ARHGAP6: variants seen among roughly 807,000 people sequenced by gnomAD.
The protein encoded by ARHGAP6 is Rho GTPase activating protein 6.
A neutral mutation model predicts 55.7 loss-of-function variants in ARHGAP6; 16 were observed. The ratio of observed to expected loss-of-function variants is 0.29; its 90% confidence interval spans 0.19 to 0.44. The LOEUF (loss-of-function observed/expected upper bound fraction) is 0.44, where lower values mean the gene tolerates loss of function less well. Among genes scored for constraint, ARHGAP6 ranks in the 20% least tolerant of loss-of-function variants. The pLI, the probability that ARHGAP6 is intolerant of heterozygous loss-of-function variation, is 1.00. For synonymous variants in ARHGAP6, 382 were observed against 360.9 expected (o/e 1.06, Z -0.66); for missense variants, 698 against 808.9 (o/e 0.86, Z 1.66).
intron 1 of ARHGAP6, among the ~76,000 whole-genome samples, chrX:11,489,906 G>A (rs1245625667): frequency 1.8e-5 from 2 of 111,479 alleles, no homozygotes; most frequent in Non-Finnish European, 3.8e-5. Context: ...GAAATGTAAG[G>A]TAAAAGGTAA....
At chrX:11,240,781 G>C (rs1053669135) in intron 2 of ARHGAP6, among the ~76,000 whole-genome samples, 2 of 110,354 alleles carry the variant, frequency 1.8e-5, no homozygotes, top group Admixed American at 9.7e-5. Context: ...ATGGTGGCTC[G>C]TATCTGTAAT....
chrX:11,405,760 G>A (rs1186120408), intron 1 of ARHGAP6, among the ~76,000 whole-genome samples: 1 of 111,460 alleles, frequency 9.0e-6, no homozygotes, highest in Non-Finnish European at 1.9e-5. Context: ...TTAACTTAAG[G>A]GACCCTAAAT....
chrX:11,614,168 C>G (rs1377358427), intron 1 of ARHGAP6, among the ~76,000 whole-genome samples: 1 of 111,756 alleles, frequency 8.9e-6, no homozygotes, highest in Admixed American at 9.4e-5. Flanking sequence ...GGCACACAAG[C>G]AGGATCACAC....
chrX:11,204,300 G>T (rs776330199), intron 2 of ARHGAP6, among the ~76,000 whole-genome samples: 15 of 111,814 alleles, frequency 1.3e-4, no homozygotes, highest in African/African-American at 4.9e-4. Context: ...TTGAAAGAAT[G>T]AATGGATGGG....
intron 1 of ARHGAP6, among the ~76,000 whole-genome samples, chrX:11,546,070 T>A (rs2051209401): frequency 1.8e-5 from 2 of 110,682 alleles, no homozygotes; most frequent in Admixed American, 1.9e-4. Flanking sequence ...ACTGGGAAAA[T>A]TAAGAAATGA....
chrX:11,326,546 G>A (rs773391763), intron 1 of ARHGAP6, among the ~76,000 whole-genome samples: 176 of 111,283 alleles, frequency 1.6e-3, no homozygotes, highest in Middle Eastern at 4.6e-3. Flanking sequence ...CTTTGATATT[G>A]ACTCAAAGTA....
intron 2 of ARHGAP6, among the ~76,000 whole-genome samples, chrX:11,218,767 T>G (rs1220038528): frequency 8.9e-6 from 1 of 112,178 alleles, no homozygotes; most frequent in African/African-American, 3.2e-5. Context: ...TTTATAGTAT[T>G]CTCTGATAGC....
intron 2 of ARHGAP6, among the ~76,000 whole-genome samples, chrX:11,252,087 ATAAT>A (rs2147480635): frequency 8.9e-6 from 1 of 112,478 alleles, no homozygotes; most frequent in African/African-American, 3.2e-5. Flanking sequence ...AGCCTCAGAA[ATAAT>A]TAATGGAGAC....
chrX:11,557,495 AT>A (rs1353491379), intron 1 of ARHGAP6, among the ~76,000 whole-genome samples: 4 of 111,131 alleles, frequency 3.6e-5, no homozygotes, highest in Non-Finnish European at 7.6e-5. Flanking sequence ...AAAAAAAAAA[AT>A]TATGAAGAAA....
chrX:11,288,464 A>G (rs1298394587), intron 1 of ARHGAP6, among the ~76,000 whole-genome samples: 1 of 112,203 alleles, frequency 8.9e-6, no homozygotes, highest in East Asian at 2.8e-4. Context: ...GAGGGCCGAT[A>G]TCATACCATA....
chrX:11,240,132 C>T (rs193258886), intron 2 of ARHGAP6, among the ~76,000 whole-genome samples: 1 of 111,959 alleles, frequency 8.9e-6, no homozygotes, highest in African/African-American at 3.2e-5. Context: ...ATGATTAATC[C>T]CAGCAACATA....
chrX:11,572,590 G>A (rs1469845358), intron 1 of ARHGAP6, among the ~76,000 whole-genome samples: 1 of 111,390 alleles, frequency 9.0e-6, no homozygotes, highest in Non-Finnish European at 1.9e-5. Flanking sequence ...GTCTATCATT[G>A]TTGGACATTT....
intron 1 of ARHGAP6, among the ~76,000 whole-genome samples, chrX:11,449,095 C>T (rs2050120446): frequency 9.0e-6 from 1 of 111,580 alleles, no homozygotes; most frequent in Admixed American, 9.5e-5. Context: ...ACTAGCCTTC[C>T]TTTGTCACTG....
At chrX:11,343,617 C>T (rs2048733356) in intron 1 of ARHGAP6, among the ~76,000 whole-genome samples, 1 of 111,329 alleles carries the variant, frequency 9.0e-6, no homozygotes, top group South Asian at 3.8e-4. Flanking sequence ...TCAATCTTAG[C>T]TGGAAACTTA....
At chrX:11,427,495 C>T (rs2147784759) in intron 1 of ARHGAP6, 4 of 930,094 alleles carry the variant, frequency 4.3e-6, no homozygotes, top group African/African-American at 2.1e-5. Flanking sequence ...AGTCCCCACC[C>T]GGAGCGGCCC....
intron 1 of ARHGAP6, chrX:11,293,273 C>T (rs1349459670): frequency 2.7e-5 from 3 of 112,246 alleles, no homozygotes; most frequent in Middle Eastern, 4.6e-3. Context: ...AACATACAGC[C>T]TTATGTCTGA....
intron 1 of ARHGAP6, among the ~76,000 whole-genome samples, chrX:11,333,672 GA>G (rs886308020): frequency 8.9e-6 from 1 of 112,062 alleles, no homozygotes; most frequent in Admixed American, 9.4e-5. Context: ...TAAATGAGAG[GA>G]AAAAGCACCT....
At chrX:11,515,352 A>C (rs2050827678) in intron 1 of ARHGAP6, among the ~76,000 whole-genome samples, 1 of 112,514 alleles carries the variant, frequency 8.9e-6, no homozygotes, top group African/African-American at 3.2e-5. Flanking sequence ...AAGAAGGAAA[A>C]GTTGCGTCCT....
chrX:11,226,125 A>G (rs896221166), intron 2 of ARHGAP6, among the ~76,000 whole-genome samples: 5 of 108,134 alleles, frequency 4.6e-5, no homozygotes, highest in African/African-American at 1.7e-4. Flanking sequence ...CATTAGGTAT[A>G]TCTCCCAATG....
Sources: allele counts gnomAD v4.1 joint callset (sites outside exome capture counted in the v4.1 genomes callset), GRCh38; gene constraint gnomAD v4.1.1; transcripts MANE v1.5; gene names NCBI Gene and HGNC (gene_info 2026-07-23, HGNC 2026-07-21).